Variants in TOGARAM1 observed in about 807,000 individuals in gnomAD.
The protein encoded by TOGARAM1 is TOG array regulator of axonemal microtubules protein 1.
In TOGARAM1, 100 loss-of-function variants were observed where a neutral mutation model predicts 166.6. The ratio of observed to expected loss-of-function variants is 0.60; its 90% CI spans 0.51 to 0.71. The LOEUF (loss-of-function observed/expected upper bound fraction) is 0.71, where lower values mean the gene tolerates loss of function less well. TOGARAM1 is among the 30% of genes least tolerant of loss of function. The pLI is 0.00. For missense variants in TOGARAM1, 2,029 were observed against 2,102.7 expected (o/e 0.96, Z 0.69); for synonymous variants, 758 against 763.8 (o/e 0.99, Z 0.13).
At chr14:44,964,951 T>TAAAAAAAAAAAAAAAAAAAAAAGA (rs1885439315) in intron 1 of TOGARAM1, among the ~76,000 whole-genome samples, 1 of 85,906 alleles carries the variant, frequency 1.2e-5, no homozygotes, top group African/African-American at 4.8e-5. Flanking sequence ...ACTAGAAAAG[T>TAAAAAAAAAAAAAAAAAAAAAAGA]AAAAAAAAAA....
At chr14:45,048,586 G>T (rs1663258232) in intron 14 of TOGARAM1, among the ~76,000 whole-genome samples, 1 of 152,084 alleles carries the variant, frequency 6.6e-6, no homozygotes, top group African/African-American at 2.4e-5. Context: ...CAGAAGTCTG[G>T]CATGGCTCAC....
intron 1 of TOGARAM1, among the ~76,000 whole-genome samples, chr14:44,970,919 A>G (rs1371353494): frequency 2.0e-5 from 3 of 152,062 alleles, no homozygotes; most frequent in East Asian, 3.8e-4. Context: ...CATTTTGTAT[A>G]TTGTTGGATT....
chr14:45,045,605 GTGTGTGTGTGTGTATA>G (rs1434020835), intron 13 of TOGARAM1, among the ~76,000 whole-genome samples: 2 of 81,754 alleles, frequency 2.4e-5, no homozygotes, highest in African/African-American at 1.2e-4. Context: ...GTGTGTGTGT[GTGTGTGTGTGTGTATA>G]TATATGTATA....
chr14:45,051,553 CTTTTTTT>C (rs1015760925), intron 14 of TOGARAM1, among the ~76,000 whole-genome samples: 1 of 90,044 alleles, frequency 1.1e-5, no homozygotes, highest in Non-Finnish European at 2.0e-5. Context: ...CCAACAGATG[CTTTTTTT>C]TTTTTTTTTT....
At chr14:44,975,646 T>C (rs969262808) in intron 1 of TOGARAM1, among the ~76,000 whole-genome samples, 4 of 152,216 alleles carry the variant, frequency 2.6e-5, no homozygotes, top group Non-Finnish European at 2.9e-5. Flanking sequence ...TTTGTATTTT[T>C]AGTGGAGACA....
intron 16 of TOGARAM1, among the ~76,000 whole-genome samples, chr14:45,055,178 T>G (rs1408934871): frequency 6.6e-6 from 1 of 152,266 alleles, no homozygotes; most frequent in Non-Finnish European, 1.5e-5. Flanking sequence ...TTCTTGTATT[T>G]TTATAAATGT....
intron 1 of TOGARAM1, among the ~76,000 whole-genome samples, chr14:44,983,198 A>G (rs533539349): frequency 6.6e-6 from 1 of 152,296 alleles, no homozygotes; most frequent in East Asian, 1.9e-4. Flanking sequence ...AGGAAAGGAG[A>G]TATGTTCCTA....
intron 17 of TOGARAM1, 27 bp downstream of exon 17, chr14:45,066,794 A>AT (rs1883159790): frequency 1.9e-6 from 3 of 1,591,266 alleles, no homozygotes; most frequent in Non-Finnish European, 2.6e-6. Flanking sequence ...ATTAATTTTA[A>AT]TGTGGGTATG....
At chr14:44,978,931 C>A (rs1594615642) in intron 1 of TOGARAM1, among the ~76,000 whole-genome samples, 1 of 150,620 alleles carries the variant, frequency 6.6e-6, no homozygotes, top group African/African-American at 2.4e-5. Context: ...CTCAGGAGTT[C>A]AAGGCCAGAC....
intron 14 of TOGARAM1, among the ~76,000 whole-genome samples, chr14:45,048,371 TTAAAG>T (rs1325595883): frequency 2.0e-5 from 3 of 147,774 alleles, no homozygotes; most frequent in South Asian, 2.1e-4. Flanking sequence ...GTCATAAAGA[TTAAAG>T]TAAAGAAGTA....
chr14:45,052,618 A>C (rs1263723292), intron 15 of TOGARAM1, 56 bp downstream of exon 15: 22 of 1,474,732 alleles, frequency 1.5e-5, no homozygotes, highest in Non-Finnish European at 1.9e-5. Flanking sequence ...TTGTTTTTAC[A>C]TCCAGGTAAA....
chr14:45,062,418 AT>A (rs1169665483), intron 16 of TOGARAM1, among the ~76,000 whole-genome samples: 1 of 152,120 alleles, frequency 6.6e-6, no homozygotes, highest in Non-Finnish European at 1.5e-5. Flanking sequence ...TTAGTAGACT[AT>A]TTTAGTTTTC....
chr14:45,007,401 A>T (rs1207833999), intron 5 of TOGARAM1: 2 of 152,006 alleles, frequency 1.3e-5, no homozygotes, highest in East Asian at 3.8e-4. Context: ...AAACATATAG[A>T]AAAGACATTT....
chr14:45,030,326 G>T (rs189559976), intron 10 of TOGARAM1, among the ~76,000 whole-genome samples: 1 of 152,100 alleles, frequency 6.6e-6, no homozygotes, highest in East Asian at 1.9e-4. Context: ...TTTCATGAAC[G>T]TGGGAATGGA....
chr14:44,969,110 T>C (rs868834038), intron 1 of TOGARAM1, among the ~76,000 whole-genome samples: 16 of 139,210 alleles, frequency 1.1e-4, no homozygotes, highest in Middle Eastern at 7.1e-3. Context: ...TCTTTCTTTC[T>C]TTCCTTCCTT....
rs535647976 is a variant in TOGARAM1 at position 45,071,661 on chromosome 14, C to T, written c.4970-51C>T. ...TTCAATGCTATGTAATGGAAAGTAA[C>T]TAAGAGCTCATTACTCTTTAAACAT... On this transcript the variant is annotated intron_variant, in intron 18 of 19. Coordinates refer to ENST00000361462, the MANE Select transcript of TOGARAM1 (RefSeq NM_001308120.2). The T allele has an allele frequency of 3.1e-6, 4 of 1,273,996 alleles. No individual in the cohort carries two copies. The South Asian group carries it at 5.3e-5, about 17-fold the overall frequency. 78.9% of individuals were successfully genotyped at this position (1,273,996 alleles called of 1,614,324 possible).
chr14:44,996,027 A>C (rs1487649350), intron 2 of TOGARAM1, 125 bp downstream of exon 2: 3 of 650,294 alleles, frequency 4.6e-6, no homozygotes, highest in Non-Finnish European at 7.2e-6. Context: ...TTATTTATTG[A>C]AGATCTGATA....
Position 45,067,428 on chromosome 14 carries a change from G to C in TOGARAM1, c.4749+661G>C, listed in dbSNP as rs368612122. 1.4e-3 allele frequency among the ~76,000 whole-genome samples: 210 copies of C among 152,182 alleles called. 6 individuals carry two copies. The South Asian group carries it at 0.041, about 30-fold the overall frequency. On this transcript the variant is annotated intron_variant, in intron 17 of 19. Transcript: ENST00000361462. ...TAGAAATCTCTATATACTGACTCCT[G>C]TGTACCTATCTTTAGGAAGACAATA...
At chr14:45,004,006 T>G in intron 3 of TOGARAM1, 55 bp from the exon 4 acceptor site, 3 of 1,425,140 alleles carry the variant, frequency 2.1e-6, no homozygotes, top group South Asian at 1.5e-5. Flanking sequence ...AAAAAAGCTT[T>G]TAACTGTTAA....
Sources: gnomAD v4.1 joint callset for allele counts (sites outside exome capture counted in the v4.1 genomes callset) on GRCh38, gnomAD v4.1.1 for gene constraint, MANE v1.5 for transcripts, NCBI Gene and HGNC (gene_info 2026-07-23, HGNC 2026-07-21) for gene names.